CSMD3: variants seen among roughly 807,000 people sequenced by gnomAD.
CSMD3 encodes the protein CUB and sushi domain-containing protein 3.
CSMD3 carries 177 observed loss-of-function variants against 435.2 expected under a neutral mutation model. That is an observed-to-expected ratio of 0.41 (90% CI 0.36 to 0.46). CSMD3 has a LOEUF of 0.46. CSMD3 is among the 20% of genes least tolerant of loss of function. The probability of loss-of-function intolerance (pLI) is 0.34; values close to 1 mark genes in which losing one functional copy is unlikely to be tolerated. For missense variants in CSMD3, 4,265 were observed against 4,504.6 expected (o/e 0.95, Z 1.52); for synonymous variants, 1,656 against 1,520.5 (o/e 1.09, Z -2.07).
Position 112,829,763 on chromosome 8 carries a change from A to G in CSMD3, c.1782T>C (p.Phe594=). ...AGGTATCATAGCCAATCTCCAGATCAAATTCTTCAAAATTTATCTGGATAA... is the reference window on the plus strand; with the variant it reads ...AGGTATCATAGCCAATCTCCAGATCGAATTCTTCAAAATTTATCTGGATAA... The part of the protein sequence containing the change: ...NKVIQINFEE[F]DLEIGYDTLT... Residue 594 remains phenylalanine, a synonymous_variant, in exon 12 of 71, where the codon TTT becomes TTC. Coordinates refer to ENST00000297405, the MANE Select transcript of CSMD3 (RefSeq NM_198123.2). The G allele has an allele frequency of 6.2e-7, 1 of 1,610,348 alleles. No individual in the cohort carries two copies. Among genetic ancestry groups the G allele is most frequent in the Non-Finnish European group, 8.5e-7 (1 of 1,176,718 alleles).
intron 37 of CSMD3, among the ~76,000 whole-genome samples, chr8:112,383,225 C>A (rs752479807): frequency 2.0e-5 from 3 of 152,026 alleles, no homozygotes; most frequent in Non-Finnish European, 4.4e-5. Context: ...CAATTCAAAG[C>A]ACAGTCTAAT....
chr8:112,904,551 T>C (rs2082201241), intron 10 of CSMD3, among the ~76,000 whole-genome samples: 1 of 151,426 alleles, frequency 6.6e-6, no homozygotes, highest in South Asian at 2.1e-4. Context: ...GGAAGCTGAT[T>C]CATTATTTAT....
intron 17 of CSMD3, 68 bp from the exon 18 acceptor site, chr8:112,656,409 A>G (rs530030421): frequency 8.5e-7 from 1 of 1,175,070 alleles, no homozygotes; most frequent in South Asian, 1.5e-5. Flanking sequence ...AATGCTTTGG[A>G]CTGCTATTTA....
At chr8:112,452,711 CTTAT>C (rs2130611911) in intron 32 of CSMD3, among the ~76,000 whole-genome samples, 1 of 152,266 alleles carries the variant, frequency 6.6e-6, no homozygotes, top group African/African-American at 2.4e-5. Flanking sequence ...TCATCTGTTG[CTTAT>C]TTAAATAATG....
chr8:112,367,259 C>A (rs7832621), intron 38 of CSMD3, among the ~76,000 whole-genome samples: 59,907 of 151,954 alleles, frequency 0.39, 13,289 homozygotes, highest in Middle Eastern at 0.53. Flanking sequence ...ATACATCTAT[C>A]TTGTCATTAT....
chr8:112,595,296 G>A (rs974179993), intron 22 of CSMD3, among the ~76,000 whole-genome samples: 15 of 151,764 alleles, frequency 9.9e-5, no homozygotes, highest in Non-Finnish European at 1.3e-4. Context: ...GAAATGAAGC[G>A]AGAAGGGAAG....
intron 3 of CSMD3, among the ~76,000 whole-genome samples, chr8:113,246,907 G>T (rs2093281726): frequency 6.6e-6 from 1 of 152,126 alleles, no homozygotes; most frequent in African/African-American, 2.4e-5. Context: ...TGCTGGAGAG[G>T]TTTGTTTGTG....
At chr8:112,420,212 T>C (rs1014258615) in intron 32 of CSMD3, among the ~76,000 whole-genome samples, 2 of 152,092 alleles carry the variant, frequency 1.3e-5, no homozygotes, top group African/African-American at 4.8e-5. Context: ...CATGAAACCA[T>C]CACCCAACTT....
chr8:112,551,171 TA>T (rs1263982678), intron 26 of CSMD3, among the ~76,000 whole-genome samples: 1 of 152,102 alleles, frequency 6.6e-6, no homozygotes, highest in African/African-American at 2.4e-5. Flanking sequence ...CATTTATAGA[TA>T]ATCTTCTACA....
intron 22 of CSMD3, among the ~76,000 whole-genome samples, chr8:112,616,356 T>C (rs1833661205): frequency 6.6e-6 from 1 of 152,158 alleles, no homozygotes; most frequent in South Asian, 2.1e-4. Context: ...AAATATATAT[T>C]TAATGACATC....
intron 13 of CSMD3, among the ~76,000 whole-genome samples, chr8:112,772,530 G>T (rs371262616): frequency 4.3e-4 from 66 of 152,198 alleles, no homozygotes; most frequent in Middle Eastern, 3.4e-3. Flanking sequence ...CTCCCCATGT[G>T]ATAGTCTGAA....
intron 32 of CSMD3, among the ~76,000 whole-genome samples, chr8:112,469,141 C>T (rs1329915757): frequency 1.0e-5 from 1 of 100,352 alleles, no homozygotes; most frequent in Non-Finnish European, 1.9e-5. Flanking sequence ...AACTTACAGG[C>T]ATTTAATTCT....
chr8:112,575,156 T>C (rs1829841530), intron 23 of CSMD3, among the ~76,000 whole-genome samples: 2 of 152,072 alleles, frequency 1.3e-5, no homozygotes, highest in South Asian at 4.1e-4. Flanking sequence ...TATTAGAATT[T>C]AATGTTAAGG....
chr8:112,224,356 G>C lies in CSMD3; in HGVS notation c.*415C>G, dbSNP rs1812385316. 1 of 229,600 alleles carries C rather than the reference G, an allele frequency of 4.4e-6. No individual in the cohort carries two copies. The highest frequency in any genetic ancestry group is 2.3e-5 in the African/African-American group (1 of 43,884). The allele number at this position is 229,600 out of a possible 1,614,324, so 14.2% of individuals were successfully genotyped here. A position where few individuals can be genotyped will look rare whatever the true frequency, so the allele number is the denominator to read the frequency against. On this transcript the variant is annotated 3_prime_UTR_variant, in exon 71 of 71. Coordinates refer to ENST00000297405, the MANE Select transcript of CSMD3 (RefSeq NM_198123.2). The stretch of plus-strand genomic sequence containing the variant: ...CGTGATGTAGCTCAGGACAGTTAAA[G>C]AGAAGTCAGTGATCTATTGACTCTT...
chr8:112,703,169 C>T (rs2076426898), intron 13 of CSMD3, among the ~76,000 whole-genome samples: 1 of 152,102 alleles, frequency 6.6e-6, no homozygotes, highest in Admixed American at 6.6e-5. Flanking sequence ...TGTGCATCAT[C>T]CACAACTAAA....
intron 4 of CSMD3, among the ~76,000 whole-genome samples, chr8:113,106,614 G>A (rs1007273974): frequency 6.6e-6 from 1 of 152,158 alleles, no homozygotes; most frequent in South Asian, 2.1e-4. Flanking sequence ...AGTTACAAAA[G>A]GCTTAGAGTT....
intron 24 of CSMD3, among the ~76,000 whole-genome samples, chr8:112,561,946 G>T (rs181521424): frequency 6.6e-6 from 1 of 151,542 alleles, no homozygotes; most frequent in East Asian, 1.9e-4. Context: ...GTGGTATTCC[G>T]TTGGTGACAT....
rs540629937 is a variant in CSMD3 at position 112,682,715 on chromosome 8, A to G, written c.2483-79T>C. 3 of 966,168 alleles carry G rather than the reference A, an allele frequency of 3.1e-6. No homozygotes were observed. The South Asian group carries it at 3.9e-5, about 13-fold the overall frequency. The allele number at this position is 966,168 out of a possible 1,614,324, so 59.8% of individuals were successfully genotyped here. ...GAGATCCTTCTATATTTTGGAAAAG[A>G]GAGAGAGAGAAAGAGATATTTTAAA... On this transcript the variant is annotated intron_variant, in intron 15 of 70. Coordinates refer to ENST00000297405, the MANE Select transcript of CSMD3 (RefSeq NM_198123.2).
chr8:112,552,756 A>G, intron 25 of CSMD3, 36 bp from the exon 26 acceptor site: 1 of 1,595,366 alleles, frequency 6.3e-7, no homozygotes, highest in Non-Finnish European at 8.6e-7. Flanking sequence ...GCCACAATTT[A>G]ATGCCAATCT....
Sources: allele counts gnomAD v4.1 joint callset (sites outside exome capture counted in the v4.1 genomes callset), GRCh38; gene constraint gnomAD v4.1.1; transcripts MANE v1.5; gene names NCBI Gene and HGNC (gene_info 2026-07-23, HGNC 2026-07-21).